Variants in BRCA1 observed in about 807,000 individuals in gnomAD.
BRCA1 encodes the protein BRCA1 DNA repair associated.
A neutral mutation model predicts 173.7 loss-of-function variants in BRCA1; 140 were observed. That is an observed-to-expected ratio of 0.81 (90% CI 0.70 to 0.93). The LOEUF (loss-of-function observed/expected upper bound fraction) is 0.93. Ranked by LOEUF, BRCA1 falls within the 40% of genes least tolerant of loss-of-function variation. The pLI, the probability that BRCA1 is intolerant of heterozygous loss-of-function variation, is 0.00. For missense variants in BRCA1, 1,983 were observed against 2,172.5 expected (o/e 0.91, Z 1.73); for synonymous variants, 662 against 756.0 (o/e 0.88, Z 2.04).
At chr17:43,170,022 T>C (rs1365417499) in intron 1 of BRCA1, 2 of 457,776 alleles carry the variant, frequency 4.4e-6, no homozygotes, top group Non-Finnish European at 8.7e-6. Context: ...GGTCACCTCA[T>C]AGTCCTGCAG....
intron 1 of BRCA1, among the ~76,000 whole-genome samples, chr17:43,141,784 C>T (rs949717393): frequency 4.0e-5 from 6 of 151,754 alleles, no homozygotes; most frequent in Admixed American, 1.3e-4. Flanking sequence ...TGCACTCCAA[C>T]CTGGGCGACA....
intron 11 of BRCA1, 74 bp downstream of exon 11, chr17:43,090,870 G>A (rs2154248208): frequency 1.5e-6 from 2 of 1,352,186 alleles, no homozygotes; most frequent in East Asian, 2.5e-5. Context: ...GCAAACCTAA[G>A]AATGTGGGAT....
intron 3 of BRCA1, chr17:43,110,601 A>AAG: frequency 2.5e-6 from 1 of 403,898 alleles, no homozygotes; most frequent in Non-Finnish European, 4.9e-6. Flanking sequence ...AAAAAAAAAA[A>AAG]AAAGTAGCTG....
chr17:43,080,521 C>T (rs1365851610), intron 12 of BRCA1, among the ~76,000 whole-genome samples: 1 of 151,650 alleles, frequency 6.6e-6, no homozygotes, highest in Non-Finnish European at 1.5e-5. Flanking sequence ...ACTAGAAGTT[C>T]TGGCCAGGTG....
intron 2 of BRCA1, among the ~76,000 whole-genome samples, chr17:43,116,576 T>A (rs1422816657): frequency 6.6e-6 from 1 of 152,142 alleles, no homozygotes; most frequent in Non-Finnish European, 1.5e-5. Context: ...TGGCATGCAA[T>A]GGTGCGATCT....
rs273902770 is a variant in BRCA1 at position 43,045,810 on chromosome 17, CAG to C, written c.5468-10_5468-9del. 24 of 1,613,810 alleles carry C rather than the reference CAG, an allele frequency of 1.5e-5. No homozygotes were observed. In the Admixed American group the frequency reaches 3.5e-4, roughly 24 times the overall value. The stretch of plus-strand genomic sequence containing the variant: ...CACACATCTGCCCAATTGCTGGAGA[CAG>C]AGAACACAAGCAGAGATTAGTGTCA... On this transcript the variant is annotated splice_polypyrimidine_tract_variant and intron_variant, in intron 22 of 22. Transcript: ENST00000357654.
Position 43,100,630 on chromosome 17 carries a change from T to TAAC in BRCA1, c.442-751_442-750insGTT, listed in dbSNP as rs1491573730. On this transcript the variant is annotated intron_variant, in intron 6 of 22. Transcript: ENST00000357654. The stretch of plus-strand genomic sequence containing the variant: ...ATAACATATATATAACATATATATA[T>TAAC]GTTATATATATATAACATATATATA... Among the ~76,000 whole-genome samples the TAAC allele has an allele frequency of 1.2e-3, 68 of 57,814 alleles. 2 individuals are homozygous for TAAC. The highest frequency in any genetic ancestry group is 5.9e-3 in the Admixed American group (28 of 4,734). 37.9% of individuals were successfully genotyped at this position (57,814 alleles called of 152,430 possible).
At position 43,048,170 on chromosome 17, in the gene BRCA1, A is replaced by G. The variant is rs577927041; in HGVS notation, c.5407-467T>C. On this transcript the variant is annotated intron_variant, in intron 21 of 22. Coordinates refer to ENST00000357654, the MANE Select transcript of BRCA1 (RefSeq NM_007294.4). The stretch of plus-strand genomic sequence containing the variant: ...CTTGGCCTCCCAGTGTTGTGATTAC[A>G]GGGGTGGGGCACTGGCCCAGCCCAT... Among the ~76,000 whole-genome samples the G allele has an allele frequency of 1.8e-4, 28 of 152,144 alleles. 1 individual carries two copies. The highest frequency in any genetic ancestry group is 1.8e-3 in the Admixed American group (27 of 15,286).
intron 3 of BRCA1, 81 bp downstream of exon 3, chr17:43,115,645 C>G (rs896561812): frequency 7.4e-7 from 1 of 1,350,028 alleles, no homozygotes; most frequent in Non-Finnish European, 1.0e-6. Flanking sequence ...AGTAAAGCTT[C>G]TATAAAGTTA....
At chr17:43,145,321 T>TTTGC in intron 1 of BRCA1, 7 of 467,354 alleles carry the variant, frequency 1.5e-5, no homozygotes, top group South Asian at 1.5e-4. Context: ...GAGGAATTTT[T>TTTGC]TTTCTTTCTT....
chr17:43,159,269 T>C lies in BRCA1; in HGVS notation c.-20+10857A>G, dbSNP rs117054540. ...ATAAAAAAACCTCTGCATTTCACTG[T>C]ATGTAAATTATACCTCGATTCAAAA... On this transcript the variant is annotated intron_variant, in intron 1 of 7. Transcript: ENST00000634433. 4.7e-4 allele frequency among the ~76,000 whole-genome samples: 72 copies of C among 152,358 alleles called. 1 individual carries two copies. The East Asian group carries it at 0.013, about 28-fold the overall frequency.
rs117381683 is a variant in BRCA1, at chr17:43,117,163, C to T, written c.81-1384G>A. The stretch of plus-strand genomic sequence containing the variant: ...ATTTAGAAAATGATAAGCTTAAGGC[C>T]GGGCATGGTGCCTCATGCCTGTAAT... On this transcript the variant is annotated intron_variant, in intron 2 of 22. Coordinates refer to ENST00000357654, the MANE Select transcript of BRCA1 (RefSeq NM_007294.4). 0.015 allele frequency among the ~76,000 whole-genome samples: 2,213 copies of T among 152,188 alleles called. 21 individuals are homozygous for T. The highest frequency in any genetic ancestry group is 0.022 in the Non-Finnish European group (1,466 of 68,002).
Position 43,090,914 on chromosome 17 carries a change from C to T in BRCA1, c.4185+30G>A, listed in dbSNP as rs80358139. The T allele has an allele frequency of 4.1e-5, 64 of 1,567,194 alleles. 1 individual carries two copies. The highest frequency in any genetic ancestry group is 2.6e-4 in the South Asian group (23 of 87,790). On this transcript the variant is annotated intron_variant, in intron 11 of 22. Transcript: ENST00000357654. ...CTGAATGCAAAGGACACCACACACA[C>T]GCATGTGCACACACACACACGCTTT...
At chr17:43,139,818 T>C in intron 1 of BRCA1, 1 of 460,750 alleles carries the variant, frequency 2.2e-6, no homozygotes, top group South Asian at 1.6e-5. Context: ...TTTCTTAGTT[T>C]GCTGAGGATA....
intron 1 of BRCA1, among the ~76,000 whole-genome samples, chr17:43,141,902 A>T (rs747251219): frequency 3.0e-4 from 45 of 152,088 alleles, no homozygotes; most frequent in Non-Finnish European, 5.7e-4. Context: ...CAGTGCAAGG[A>T]TCTCTACTCT....
At chr17:43,068,806 G>A (rs549235896) in intron 15 of BRCA1, among the ~76,000 whole-genome samples, 19 of 152,268 alleles carry the variant, frequency 1.2e-4, no homozygotes, top group African/African-American at 4.6e-4. Context: ...CTAAAGGTCA[G>A]TGCAAAAGCG....
At chr17:43,058,814 G>GC (rs1248728183) in intron 18 of BRCA1, among the ~76,000 whole-genome samples, 3 of 152,096 alleles carry the variant, frequency 2.0e-5, no homozygotes, top group Non-Finnish European at 4.4e-5. Flanking sequence ...GAAAGTTAGA[G>GC]GTTTTTCATA....
rs55650082 is a variant in BRCA1, at chr17:43,093,742, C to G, written c.1789G>C (p.Glu597Gln). The G allele has an allele frequency of 6.2e-7, 1 of 1,613,932 alleles. No individual in the cohort carries two copies. Among genetic ancestry groups the G allele is most frequent in the East Asian group, 2.2e-5 (1 of 44,868 alleles). Reference protein sequence around the residue: ...ISSSISNMELELNIHNSKAPK... With the variant: ...ISSSISNMELQLNIHNSKAPK... ...GCTTTTGAATTGTGGATATTTAATT[C>G]GAGTTCCATATTGCTTATACTGCTG... is the stretch of plus-strand genomic sequence containing the variant. The change falls in exon 10 of 23, where the codon GAA becomes CAA. Residue 597 changes from glutamate to glutamine, a missense_variant. Transcript: ENST00000357654.
At chr17:43,119,021 C>T (rs542471357) in intron 2 of BRCA1, 7 of 214,994 alleles carry the variant, frequency 3.3e-5, no homozygotes, top group East Asian at 6.8e-5. Flanking sequence ...CTGCCTCGAC[C>T]GGGATTACAG....
Sources: allele counts gnomAD v4.1 joint callset (sites outside exome capture counted in the v4.1 genomes callset), GRCh38; gene constraint gnomAD v4.1.1; transcripts MANE v1.5; gene names NCBI Gene and HGNC (gene_info 2026-07-23, HGNC 2026-07-21).